The following CNTNAP5 variants were observed in gnomAD, a reference collection of about 807,000 sequenced individuals.
CNTNAP5 encodes the protein contactin associated protein family member 5, also known as contactin-associated protein-like 5.
CNTNAP5 carries 72 observed loss-of-function variants against 150.2 expected under a neutral mutation model. The observed-to-expected ratio is 0.48, with a 90% CI of 0.40 to 0.58. The LOEUF (loss-of-function observed/expected upper bound fraction) is 0.58. Ranked by LOEUF, CNTNAP5 falls within the 20% of genes least tolerant of loss-of-function variation. The probability of loss-of-function intolerance (pLI) is 0.00; values close to 1 mark genes in which losing one functional copy is unlikely to be tolerated. For missense variants in CNTNAP5, 1,636 were observed against 1,626.2 expected, an observed-to-expected ratio of 1.01 and a Z score of -0.10; for synonymous variants, 672 against 619.8, an observed-to-expected ratio of 1.08 and a Z score of -1.25.
intron 14 of CNTNAP5, among the ~76,000 whole-genome samples, chr2:124,749,627 G>T (rs1400823297): frequency 6.6e-6 from 1 of 152,086 alleles, no homozygotes; most frequent in African/African-American, 2.4e-5. Context: ...TATTGGTCAG[G>T]CTGGTCTCGA....
Position 124,203,727 on chromosome 2 carries a change from G to A in CNTNAP5, c.83-17978G>A, listed in dbSNP as rs532140479. 1.0e-3 allele frequency among the ~76,000 whole-genome samples: 158 copies of A among 152,286 alleles called. 1 individual carries two copies. Among genetic ancestry groups the A allele is most frequent in the Middle Eastern group, 3.4e-3 (1 of 294 alleles). ...TCTGAAGCAACGATATGAGCTTTAC[G>A]TTGGCCCTTTTTAGCCATGGTTGGG... On this transcript the variant is annotated intron_variant, in intron 1 of 23. Transcript: ENST00000682447.
chr2:124,797,335 G>GA (rs1162297152), intron 18 of CNTNAP5, among the ~76,000 whole-genome samples: 2 of 152,124 alleles, frequency 1.3e-5, no homozygotes, highest in African/African-American at 4.8e-5. Flanking sequence ...CCCACTAAAT[G>GA]AATTTTATCA....
Position 124,272,098 on chromosome 2 carries a change from G to A in CNTNAP5, c.381+29705G>A, listed in dbSNP as rs116889547. On this transcript the variant is annotated intron_variant, in intron 3 of 23. Transcript: ENST00000682447. ...CTGCTTGAGAAATTCCTCTTGGTAT[G>A]GTTTTTAAGCTTTAATTGTGTATGC... is the stretch of plus-strand genomic sequence containing the variant. Among the ~76,000 whole-genome samples, 252 of 152,072 alleles carry A rather than the reference G, an allele frequency of 1.7e-3. 8 individuals are homozygous for A. The East Asian group carries it at 0.042, about 25-fold the overall frequency.
At chr2:124,127,075 GA>G (rs1683724168) in intron 1 of CNTNAP5, among the ~76,000 whole-genome samples, 1 of 152,188 alleles carries the variant, frequency 6.6e-6, no homozygotes, top group Non-Finnish European at 1.5e-5. Context: ...TCTGGAAGGA[GA>G]AAGAAATAAA....
Position 124,247,159 on chromosome 2 carries a change from C to T in CNTNAP5, c.381+4766C>T, listed in dbSNP as rs575388311. ...TCTTCATGATTTATACACATTTATT[C>T]TGCCACGTTGGGCCTAGAACATCCT... On this transcript the variant is annotated intron_variant, in intron 3 of 23. Coordinates refer to ENST00000682447, the MANE Select transcript of CNTNAP5 (RefSeq NM_001367498.1). 2.0e-5 allele frequency among the ~76,000 whole-genome samples: 3 copies of T among 152,290 alleles called. No individual in the cohort carries two copies. The East Asian group carries it at 5.8e-4, about 29-fold the overall frequency.
intron 19 of CNTNAP5, among the ~76,000 whole-genome samples, chr2:124,826,130 G>C (rs1682587549): frequency 6.6e-6 from 1 of 151,848 alleles, no homozygotes; most frequent in Non-Finnish European, 1.5e-5. Context: ...TGGATCTTGA[G>C]ATCTTACTGA....
intron 14 of CNTNAP5, among the ~76,000 whole-genome samples, chr2:124,749,710 G>A (rs778034040): frequency 2.6e-5 from 4 of 152,100 alleles, no homozygotes; most frequent in East Asian, 1.9e-4. Context: ...CAACGCTCCC[G>A]GCAGACTCTG....
intron 10 of CNTNAP5, among the ~76,000 whole-genome samples, chr2:124,528,306 C>T (rs868740452): frequency 6.6e-6 from 1 of 152,134 alleles, no homozygotes; most frequent in African/African-American, 2.4e-5. Context: ...GAAATGCACC[C>T]TTATTTGTCA....
intron 13 of CNTNAP5, among the ~76,000 whole-genome samples, chr2:124,736,360 T>G (rs1329979763): frequency 6.6e-6 from 1 of 152,234 alleles, no homozygotes; most frequent in Non-Finnish European, 1.5e-5. Context: ...TACGTCAAAT[T>G]TATTTCATTC....
At position 124,489,227 on chromosome 2, in the gene CNTNAP5, G is replaced by C. The variant is rs1009143794; in HGVS notation, c.1062+14345G>C. ...CTCACTGCCAAAACAAAATACCACA[G>C]ACTGTTTGACTAACACAACAGAAAT... On this transcript the variant is annotated intron_variant, in intron 7 of 23. Transcript: ENST00000682447. Among the ~76,000 whole-genome samples the C allele has an allele frequency of 1.1e-4, 17 of 152,116 alleles. 1 individual carries two copies.
At chr2:124,126,674 A>G (rs1019224387) in intron 1 of CNTNAP5, among the ~76,000 whole-genome samples, 5 of 152,212 alleles carry the variant, frequency 3.3e-5, no homozygotes, top group Non-Finnish European at 5.9e-5. Context: ...AATACTGGCA[A>G]ACCGAATCCA....
chr2:124,323,111 ATT>A (rs1689137946), intron 3 of CNTNAP5, among the ~76,000 whole-genome samples: 1 of 152,196 alleles, frequency 6.6e-6, no homozygotes, highest in Non-Finnish European at 1.5e-5. Context: ...CTTATAAGTA[ATT>A]TGGTAAGTTT....
chr2:124,056,063 C>A lies in CNTNAP5; in HGVS notation c.82+30331C>A, dbSNP rs1018290292. The stretch of plus-strand genomic sequence containing the variant: ...GCATACTTCTTTCCCTTCTCAATTT[C>A]ACATCCCTTCATCTCATGTTACATT... On this transcript the variant is annotated intron_variant, in intron 1 of 23. Transcript: ENST00000682447. 2.6e-5 allele frequency among the ~76,000 whole-genome samples: 4 copies of A among 152,304 alleles called. No individual in the cohort carries two copies. The South Asian group carries it at 8.3e-4, about 32-fold the overall frequency.
At chr2:124,432,620 C>G (rs1375525806) in intron 4 of CNTNAP5, among the ~76,000 whole-genome samples, 1 of 152,162 alleles carries the variant, frequency 6.6e-6, no homozygotes, top group Admixed American at 6.5e-5. Flanking sequence ...TTCTACTCCA[C>G]AGTCTGGTAC....
intron 11 of CNTNAP5, among the ~76,000 whole-genome samples, chr2:124,608,032 C>G (rs534581630): frequency 2.6e-5 from 4 of 152,294 alleles, no homozygotes; most frequent in African/African-American, 9.6e-5. Context: ...TATAAAAAGT[C>G]AAACCCTCTC....
At chr2:124,869,903 T>C in intron 21 of CNTNAP5, 141 bp downstream of exon 21, 2 of 479,962 alleles carry the variant, frequency 4.2e-6, no homozygotes, top group Non-Finnish European at 7.5e-6. Context: ...GATTTCTTAT[T>C]CAGAAAATGC....
At chr2:124,355,313 G>T (rs888437620) in intron 3 of CNTNAP5, among the ~76,000 whole-genome samples, 6 of 152,134 alleles carry the variant, frequency 3.9e-5, no homozygotes, top group African/African-American at 1.2e-4. Context: ...AATAATGTTT[G>T]CCATTGGTAG....
chr2:124,539,431 C>T (rs889147117), intron 10 of CNTNAP5, among the ~76,000 whole-genome samples: 3 of 152,080 alleles, frequency 2.0e-5, no homozygotes, highest in African/African-American at 4.8e-5. Flanking sequence ...CTGAGAAAAT[C>T]GATATTCACA....
At chr2:124,786,427 G>GA (rs1177089819) in intron 17 of CNTNAP5, among the ~76,000 whole-genome samples, 82 of 112,078 alleles carry the variant, frequency 7.3e-4, no homozygotes, top group African/African-American at 2.7e-3. Flanking sequence ...AGGAAGGAAG[G>GA]AAGGAAGGAA....
Sources: gnomAD v4.1 joint callset for allele counts (sites outside exome capture counted in the v4.1 genomes callset) on GRCh38, gnomAD v4.1.1 for gene constraint, MANE v1.5 for transcripts, NCBI Gene and HGNC (gene_info 2026-07-23, HGNC 2026-07-21) for gene names.